The following ZNF562 variants were observed in gnomAD, a reference collection of about 807,000 sequenced individuals.
ZNF562 encodes the protein zinc finger protein 562.
Under a neutral mutation model 17.5 loss-of-function variants are expected in ZNF562, and 13 were observed. The observed-to-expected ratio is 0.74, with a 90% CI of 0.48 to 1.18. The LOEUF (loss-of-function observed/expected upper bound fraction) is 1.18, where lower values mean the gene tolerates loss of function less well. Ranked by LOEUF, ZNF562 falls within the 50% of genes most tolerant of loss-of-function variation. ZNF562 has a pLI of 0.00. For missense variants in ZNF562, 481 were observed against 498.5 expected (o/e 0.96, Z 0.33); for synonymous variants, 163 against 165.4 (o/e 0.99, Z 0.11).
chr19:9,657,866 T>A, intron 4 of ZNF562, 143 bp downstream of exon 4: 1 of 1,192,528 alleles, frequency 8.4e-7, no homozygotes, highest in Admixed American at 3.0e-5. Flanking sequence ...TTCTTAGGAT[T>A]TTTTTTTAGA....
chr19:9,660,268 A>C (rs548278150), intron 2 of ZNF562, among the ~76,000 whole-genome samples: 2 of 151,948 alleles, frequency 1.3e-5, no homozygotes, highest in East Asian at 3.9e-4. Flanking sequence ...GTCTCAAAAA[A>C]TAAATAAATA....
intron 1 of ZNF562, among the ~76,000 whole-genome samples, chr19:9,668,950 TAA>T (rs149683337): frequency 6.9e-6 from 1 of 144,888 alleles, no homozygotes; most frequent in Non-Finnish European, 1.5e-5. Flanking sequence ...TCTCTCAGCA[TAA>T]AAAAAAAAAG....
At chr19:9,661,662 G>T (rs1361367700) in intron 1 of ZNF562, among the ~76,000 whole-genome samples, 1 of 152,114 alleles carries the variant, frequency 6.6e-6, no homozygotes, top group African/African-American at 2.4e-5. Flanking sequence ...GGGTGTGGTG[G>T]TGGGCACCTG....
At chr19:9,654,780 T>C (rs932836827) in intron 5 of ZNF562, among the ~76,000 whole-genome samples, 1 of 152,092 alleles carries the variant, frequency 6.6e-6, no homozygotes, top group African/African-American at 2.4e-5. Context: ...GGTCTTGGTA[T>C]GTAGCCTAGG....
Position 9,652,076 on chromosome 19 carries a change from G to A in ZNF562, c.*873C>T, listed in dbSNP as rs2074874913. 1 of 152,208 alleles carries A rather than the reference G, an allele frequency of 6.6e-6. No individual in the cohort carries two copies. Among genetic ancestry groups the A allele is most frequent in the Non-Finnish European group, 1.5e-5 (1 of 68,042 alleles). The allele number at this position is 152,208 out of a possible 1,614,324, so 9.4% of individuals were successfully genotyped here. On this transcript the variant is annotated 3_prime_UTR_variant, in exon 6 of 6. Transcript: ENST00000453372. Reference sequence around the variant, plus strand: ...TGAAGAGAATCCTCAAAGTGTGGCTGAACAATCATTTGATAAAGAGATCAT... The same window carrying A: ...TGAAGAGAATCCTCAAAGTGTGGCTAAACAATCATTTGATAAAGAGATCAT...
chr19:9,654,803 T>C (rs2043398940), intron 5 of ZNF562, among the ~76,000 whole-genome samples: 1 of 152,084 alleles, frequency 6.6e-6, no homozygotes, highest in South Asian at 2.1e-4. Flanking sequence ...GGTCTCAAAC[T>C]CTACAAGAAA....
chr19:9,651,481 A>T lies in ZNF562; in HGVS notation c.*1468T>A, dbSNP rs1227619565. ...CCCCCAAATCTGGCCATAAACAGGC[A>T]ATGAGAAACTGGCCATAAACAAAAT... On this transcript the variant is annotated 3_prime_UTR_variant, in exon 6 of 6. Transcript: ENST00000453372. The T allele has an allele frequency of 1.3e-5, 2 of 152,226 alleles. No homozygotes were observed. The highest frequency in any genetic ancestry group is 4.8e-5 in the African/African-American group (2 of 41,464). 9.4% of individuals were successfully genotyped at this position (152,226 alleles called of 1,614,324 possible).
chr19:9,651,425 G>A lies in ZNF562; in HGVS notation c.*1524C>T, dbSNP rs540208695. ...ACACAGGAAGCTTCATTATTCCTGA[G>A]TGCTTACAGGAAAATGTGCTGGGAA... is the stretch of plus-strand genomic sequence containing the variant. On this transcript the variant is annotated 3_prime_UTR_variant, in exon 6 of 6. Transcript: ENST00000453372. The A allele has an allele frequency of 6.6e-6, 1 of 152,214 alleles. No homozygotes were observed. The highest frequency in any genetic ancestry group is 1.5e-5 in the Non-Finnish European group (1 of 68,040). 9.4% of individuals were successfully genotyped at this position (152,214 alleles called of 1,614,324 possible). A position where few individuals can be genotyped will look rare whatever the true frequency, so the allele number is the denominator to read the frequency against.
At chr19:9,666,964 C>T (rs1410222272) in intron 1 of ZNF562, among the ~76,000 whole-genome samples, 1 of 152,190 alleles carries the variant, frequency 6.6e-6, no homozygotes, top group African/African-American at 2.4e-5. Context: ...ACCAATACTA[C>T]TTGAACTCCT....
chr19:9,661,772 G>T (rs545902236), intron 1 of ZNF562, among the ~76,000 whole-genome samples: 2 of 152,244 alleles, frequency 1.3e-5, no homozygotes, highest in East Asian at 3.9e-4. Flanking sequence ...TCCAGCCCAG[G>T]TGACAGTGCG....
chr19:9,653,774 A>G lies in ZNF562; in HGVS notation c.456T>C (p.Thr152=), dbSNP rs766795593. 7.4e-6 allele frequency: 12 copies of G among 1,614,118 alleles called. No homozygotes were observed. The highest frequency in any genetic ancestry group is 3.3e-5 in the Admixed American group (2 of 60,018). ...THMRAQNGGN[T]FEGNCYGKDS... ...CTTTTCCATAACAATTACCCTCAAA[A>G]GTGTTCCCTCCATTCTGAGCTCTCA... Residue 152 remains threonine (T), a synonymous_variant, in exon 6 of 6, where the codon ACT becomes ACC. Transcript: ENST00000453372.
rs2074843810 is a variant in ZNF562 at position 9,649,900 on chromosome 19, G to A, written c.*3049C>T. ...AACTTGCTGGTTTTTGCGGCTTGTG[G>A]GGCATCACGGAACCTACCGACATGT... On this transcript the variant is annotated 3_prime_UTR_variant, in exon 6 of 6. Coordinates refer to ENST00000453372, the MANE Select transcript of ZNF562 (RefSeq NM_001130031.2). 1.3e-5 allele frequency: 2 copies of A among 152,062 alleles called. No homozygotes were observed. 9.4% of individuals were successfully genotyped at this position (152,062 alleles called of 1,614,324 possible). A position where few individuals can be genotyped will look rare whatever the true frequency, so the allele number is the denominator to read the frequency against.
At position 9,652,628 on chromosome 19, in the gene ZNF562, C is replaced by T. The variant is rs1410526317; in HGVS notation, c.*321G>A. On this transcript the variant is annotated 3_prime_UTR_variant, in exon 6 of 6. Coordinates refer to ENST00000453372, the MANE Select transcript of ZNF562 (RefSeq NM_001130031.2). ...GTAACCATGATGTTGTATTCAGAACCTGTAGGTTTAATTTCAGACCCTCGG... is the reference window on the plus strand; with the variant it reads ...GTAACCATGATGTTGTATTCAGAACTTGTAGGTTTAATTTCAGACCCTCGG... The T allele has an allele frequency of 5.0e-6, 1 of 201,000 alleles. No homozygotes were observed. The highest frequency in any genetic ancestry group is 1.0e-5 in the Non-Finnish European group (1 of 99,198). The allele number at this position is 201,000 out of a possible 1,614,324, so 12.5% of individuals were successfully genotyped here. A position where few individuals can be genotyped will look rare whatever the true frequency, so the allele number is the denominator to read the frequency against.
At position 9,655,736 on chromosome 19, in the gene ZNF562, T is replaced by C. The variant is rs1422620402; in HGVS notation, c.348+811A>G. On this transcript the variant is annotated intron_variant, in intron 5 of 5. Coordinates refer to ENST00000453372, the MANE Select transcript of ZNF562 (RefSeq NM_001130031.2). Reference sequence around the variant, plus strand: ...TTCTTTCTTTTTTTTTTTTTTTTTTTTTTTTTTTTTTTTTTTAGATGGAGT... The same window carrying C: ...TTCTTTCTTTTTTTTTTTTTTTTTTCTTTTTTTTTTTTTTTTAGATGGAGT... Among the ~76,000 whole-genome samples the C allele has an allele frequency of 8.6e-5, 10 of 115,844 alleles. 1 individual carries two copies. In the East Asian group the frequency reaches 9.0e-4, roughly 10 times the overall value. 76.0% of individuals were successfully genotyped at this position (115,844 alleles called of 152,430 possible).
rs1414600481 is a variant in ZNF562 at position 9,653,781 on chromosome 19, C to T, written c.449G>A (p.Gly150Glu). The T allele has an allele frequency of 1.2e-6, 2 of 1,614,036 alleles. No individual in the cohort carries two copies. Among genetic ancestry groups the T allele is most frequent in the Non-Finnish European group, 8.5e-7 (1 of 1,179,984 alleles). ...ATAACAATTACCCTCAAAAGTGTTC[C>T]CTCCATTCTGAGCTCTCATGTGTGT... Reference protein sequence around the residue: ...LKTHMRAQNGGNTFEGNCYGK... With the variant: ...LKTHMRAQNGENTFEGNCYGK... The change falls in exon 6 of 6, where the codon GGG (glycine) becomes GAG (glutamate). Residue 150 changes from glycine (G) to glutamate (E), a missense_variant. Coordinates refer to ENST00000453372, the MANE Select transcript of ZNF562 (RefSeq NM_001130031.2).
At chr19:9,654,887 A>G (rs1235796448) in intron 5 of ZNF562, among the ~76,000 whole-genome samples, 1 of 152,000 alleles carries the variant, frequency 6.6e-6, no homozygotes, top group Non-Finnish European at 1.5e-5. Context: ...GATAACCATA[A>G]TTTTTACAAT....
At position 9,656,534 on chromosome 19, in the gene ZNF562, T is replaced by C. The variant is rs1432522026; in HGVS notation, c.348+13A>G. 6.2e-7 allele frequency: 1 copy of C among 1,611,880 alleles called. No homozygotes were observed. The highest frequency in any genetic ancestry group is 8.5e-7 in the Non-Finnish European group (1 of 1,179,196). ...AACAGAAGAAAAAAATAAGTATCCCTCATGAATCTTACCATTTGTATCCCA... is the reference window on the plus strand; with the variant it reads ...AACAGAAGAAAAAAATAAGTATCCCCCATGAATCTTACCATTTGTATCCCA... On this transcript the variant is annotated intron_variant, in intron 5 of 5. Coordinates refer to ENST00000453372, the MANE Select transcript of ZNF562 (RefSeq NM_001130031.2).
At chr19:9,669,734 G>GCGCACACACACACACACACACACA (rs1221319747) in intron 1 of ZNF562, among the ~76,000 whole-genome samples, 1 of 109,302 alleles carries the variant, frequency 9.1e-6, no homozygotes, top group South Asian at 3.5e-4. Context: ...GCGCGCGCGC[G>GCGCACACACACACACACACACACA]CACACACACA....
At chr19:9,670,981 C>T (rs1053269242) in intron 1 of ZNF562, among the ~76,000 whole-genome samples, 3 of 143,192 alleles carry the variant, frequency 2.1e-5, no homozygotes, top group Non-Finnish European at 3.0e-5. Flanking sequence ...GCCTGGGTGA[C>T]GGTGAGACTC....
Sources: gnomAD v4.1 joint callset for allele counts (sites outside exome capture counted in the v4.1 genomes callset) on GRCh38, gnomAD v4.1.1 for gene constraint, MANE v1.5 for transcripts, NCBI Gene and HGNC (gene_info 2026-07-23, HGNC 2026-07-21) for gene names.